Variants in GOLGA4 observed in about 807,000 individuals in gnomAD.
GOLGA4 encodes the protein golgin subfamily A member 4.
In GOLGA4, 169 loss-of-function variants were observed where a neutral mutation model predicts 265.9. The ratio of observed to expected loss-of-function variants is 0.64; its 90% confidence interval spans 0.56 to 0.72. The LOEUF (loss-of-function observed/expected upper bound fraction) is 0.72. Ranked by LOEUF, GOLGA4 falls within the 30% of genes least tolerant of loss-of-function variation. GOLGA4 has a pLI of 0.00. For missense variants in GOLGA4, 2,482 were observed against 2,483.4 expected, an observed-to-expected ratio of 1.00 and a Z score of 0.01; for synonymous variants, 923 against 855.8, an observed-to-expected ratio of 1.08 and a Z score of -1.37.
chr3:37,329,875 G>T (rs2096984382), intron 16 of GOLGA4, among the ~76,000 whole-genome samples: 1 of 152,106 alleles, frequency 6.6e-6, no homozygotes, highest in African/African-American at 2.4e-5. Flanking sequence ...TATATGCTAA[G>T]AATCTTTTGG....
chr3:37,279,609 T>A (rs2096829151), intron 2 of GOLGA4, among the ~76,000 whole-genome samples: 1 of 152,140 alleles, frequency 6.6e-6, no homozygotes, highest in South Asian at 2.1e-4. Flanking sequence ...TTGAAAATGT[T>A]AAAAAGTCCT....
chr3:37,324,396 T>A lies in GOLGA4; in HGVS notation c.2510T>A (p.Leu837His). The A allele has an allele frequency of 6.2e-7, 1 of 1,614,190 alleles. No homozygotes were observed. Among genetic ancestry groups the A allele is most frequent in the Non-Finnish European group, 8.5e-7 (1 of 1,180,006 alleles). ...KLLDLETERI[L>H]LTKQVAEVEA... ...TTGGATTTGGAAACAGAAAGAATTCTTCTTACCAAACAGGTTGCTGAAGTT... is the reference window on the plus strand; with the variant it reads ...TTGGATTTGGAAACAGAAAGAATTCATCTTACCAAACAGGTTGCTGAAGTT... Residue 837 changes from leucine (L) to histidine (H), a missense_variant, in exon 14 of 24, where the codon CTT becomes CAT. Around this residue, in one of 3 missense-constraint regions of GOLGA4, gnomAD observed 1,536 missense variants for 1,483.7 expected, o/e 1.04. Transcript: ENST00000361924.
chr3:37,326,037 A>C lies in GOLGA4; in HGVS notation c.4151A>C (p.Gln1384Pro). The C allele has an allele frequency of 1.2e-6, 2 of 1,613,514 alleles. No homozygotes were observed. Among genetic ancestry groups the C allele is most frequent in the Non-Finnish European group, 1.7e-6 (2 of 1,179,560 alleles). Residue 1384 changes from glutamine to proline, a missense_variant, in exon 14 of 24, where the codon CAA becomes CCA. This residue lies in a region of GOLGA4 where 942 missense variants were observed against 983.1 expected (regional missense o/e 0.96). Transcript: ENST00000361924. ...CTAACTGATTTGAATGTTCAGCTTCAAAATAGCATCAGCCTATCCGAAAAA... is the reference window on the plus strand; with the variant it reads ...CTAACTGATTTGAATGTTCAGCTTCCAAATAGCATCAGCCTATCCGAAAAA... ...KQLTDLNVQL[Q>P]NSISLSEKEA...
At chr3:37,253,960 G>T (rs1578348935) in intron 2 of GOLGA4, among the ~76,000 whole-genome samples, 1 of 151,404 alleles carries the variant, frequency 6.6e-6, no homozygotes, top group South Asian at 2.1e-4. Context: ...AGGTTGTAGT[G>T]AGCTGAGATC....
rs372401906 is a variant in GOLGA4 at position 37,326,446 on chromosome 3, A to C, written c.4560A>C (p.Leu1520Phe). 109 of 1,611,860 alleles carry C rather than the reference A, an allele frequency of 6.8e-5. No homozygotes were observed. Among genetic ancestry groups the C allele is most frequent in the South Asian group, 1.1e-4 (10 of 90,790 alleles). Residue 1520 changes from leucine (L) to phenylalanine (F), a missense_variant, in exon 14 of 24, where the codon TTA (leucine) becomes TTC (phenylalanine). Coordinates refer to ENST00000361924, the MANE Select transcript of GOLGA4 (RefSeq NM_002078.5). ...EKKESNLETELKSQTARIMEL... is the reference protein window; with the variant it reads ...EKKESNLETEFKSQTARIMEL... ...AGGAGTCTAATTTAGAAACAGAGTT[A>C]AAGTCTCAAACAGCAAGAATTATGG...
At chr3:37,283,957 A>C (rs749216814) in intron 3 of GOLGA4, among the ~76,000 whole-genome samples, 24 of 152,182 alleles carry the variant, frequency 1.6e-4, no homozygotes, top group Non-Finnish European at 2.9e-4. Flanking sequence ...TAACTTGCTT[A>C]TGGTTGGACA....
intron 5 of GOLGA4, among the ~76,000 whole-genome samples, chr3:37,293,033 A>G (rs1345279780): frequency 1.3e-5 from 2 of 152,252 alleles, no homozygotes; most frequent in Admixed American, 1.3e-4. Flanking sequence ...TTGAGAATTA[A>G]TAAGTTTGAA....
chr3:37,258,025 GTATATATGTATATATACATACATA>G (rs1481185821), intron 2 of GOLGA4, among the ~76,000 whole-genome samples: 13 of 72,630 alleles, frequency 1.8e-4, no homozygotes, highest in Non-Finnish European at 2.8e-4. Context: ...ATATATGTAT[GTATATATGTATATATACATACATA>G]TATATATGTA....
chr3:37,289,547 CAAGGGTT>C (rs2096859478), intron 5 of GOLGA4, among the ~76,000 whole-genome samples: 2 of 152,296 alleles, frequency 1.3e-5, no homozygotes, highest in South Asian at 4.1e-4. Context: ...CGTCAACTTC[CAAGGGTT>C]AACTGGGTTC....
chr3:37,289,085 C>T, intron 4 of GOLGA4, 150 bp from the exon 5 acceptor site: 1 of 543,234 alleles, frequency 1.8e-6, no homozygotes, highest in Non-Finnish European at 3.3e-6. Context: ...ATGGTCACAT[C>T]TTTAACATTT....
intron 2 of GOLGA4, among the ~76,000 whole-genome samples, chr3:37,264,712 C>CA (rs1174405097): frequency 1.3e-5 from 2 of 151,612 alleles, no homozygotes; most frequent in Non-Finnish European, 2.9e-5. Flanking sequence ...ATTCATGTTT[C>CA]AAAAATTTTT....
chr3:37,362,267 C>T lies in GOLGA4; in HGVS notation c.*33+962C>T, dbSNP rs1194158056. Among the ~76,000 whole-genome samples, 347 of 145,042 alleles carry T rather than the reference C, an allele frequency of 2.4e-3. 1 individual carries two copies. The highest frequency in any genetic ancestry group is 8.3e-3 in the African/African-American group (324 of 39,042). On this transcript the variant is annotated intron_variant, in intron 23 of 23. Coordinates refer to ENST00000361924, the MANE Select transcript of GOLGA4 (RefSeq NM_002078.5). ...TTTTTTTTTTTTTGAGACGGAGTCT[C>T]GCTCTGTCGCCCAGGCTGGAGTGCA...
At chr3:37,350,983 C>T (rs1488337951) in intron 21 of GOLGA4, among the ~76,000 whole-genome samples, 1 of 152,050 alleles carries the variant, frequency 6.6e-6, no homozygotes, top group Non-Finnish European at 1.5e-5. Flanking sequence ...GTGGCATTTT[C>T]CTAAGACAGC....
intron 3 of GOLGA4, among the ~76,000 whole-genome samples, chr3:37,283,127 A>G (rs746992456): frequency 2.1e-4 from 32 of 152,200 alleles, no homozygotes; most frequent in African/African-American, 3.6e-4. Flanking sequence ...TCTGTTTCCA[A>G]TTATGACTAC....
In GOLGA4 at chr3:37,325,108, AG is replaced by A; in HGVS notation, c.3223del (p.Glu1075AsnfsTer2). Reference protein sequence around the residue: ...QLQEKEQEVAELKQKILLFGC... With the variant: ...QLQEKEQEVAXLKQKILLFGC... The stretch of plus-strand genomic sequence containing the variant: ...TACAGGAAAAAGAACAAGAGGTAGC[AG>A]AACTGAAACAAAAGATCCTCCTATT... On this transcript the variant is annotated frameshift_variant, in exon 14 of 24. Coordinates refer to ENST00000361924, the MANE Select transcript of GOLGA4 (RefSeq NM_002078.5). LOFTEE classifies it high-confidence loss of function. 6.2e-7 allele frequency: 1 copy of A among 1,612,994 alleles called. No individual in the cohort carries two copies. Among genetic ancestry groups the A allele is most frequent in the Non-Finnish European group, 8.5e-7 (1 of 1,179,214 alleles).
In GOLGA4 at chr3:37,366,800, A is replaced by G. The variant is rs1696774230; in HGVS notation, c.*754A>G. On this transcript the variant is annotated 3_prime_UTR_variant, in exon 24 of 24. Transcript: ENST00000361924. ...AGTTGAAATCTATTTTAAAATGTTTAAGAATGCATATTCTATTTGGATGAA... is the reference window on the plus strand; with the variant it reads ...AGTTGAAATCTATTTTAAAATGTTTGAGAATGCATATTCTATTTGGATGAA... The G allele has an allele frequency of 6.6e-6, 1 of 152,310 alleles. No homozygotes were observed. Among genetic ancestry groups the G allele is most frequent in the Non-Finnish European group, 1.5e-5 (1 of 68,038 alleles). 9.4% of individuals were successfully genotyped at this position (152,310 alleles called of 1,614,324 possible).
chr3:37,362,197 T>TTTTA (rs144532752), intron 23 of GOLGA4, among the ~76,000 whole-genome samples: 2,139 of 135,380 alleles, frequency 0.016, 28 homozygotes, highest in South Asian at 0.05. Context: ...TCTTTTAAGC[T>TTTTA]TTTATTTATT....
At chr3:37,251,857 A>C (rs1040762994) in intron 2 of GOLGA4, among the ~76,000 whole-genome samples, 11 of 152,016 alleles carry the variant, frequency 7.2e-5, no homozygotes, top group African/African-American at 2.4e-4. Flanking sequence ...CTAACGTTTA[A>C]ATTTTTCGTA....
intron 19 of GOLGA4, among the ~76,000 whole-genome samples, chr3:37,338,078 T>A (rs1484950360): frequency 6.6e-6 from 1 of 152,250 alleles, no homozygotes; most frequent in Non-Finnish European, 1.5e-5. Flanking sequence ...GTGGTTTAAT[T>A]GTCCTAATTT....
Sources: allele counts gnomAD v4.1 joint callset (sites outside exome capture counted in the v4.1 genomes callset), GRCh38; gene constraint gnomAD v4.1.1; regional missense constraint gnomAD v4.1.1; transcripts MANE v1.5; gene names NCBI Gene and HGNC (gene_info 2026-07-23, HGNC 2026-07-21).